FKBP5: variants seen among roughly 807,000 people sequenced by gnomAD.
FKBP5 encodes FKBP prolyl isomerase 5.
Under a neutral mutation model 50.5 loss-of-function variants are expected in FKBP5, and 23 were observed. The observed-to-expected ratio is 0.46, with a 90% CI of 0.33 to 0.65. The LOEUF (loss-of-function observed/expected upper bound fraction) is 0.65, where lower values mean the gene tolerates loss of function less well. Ranked by LOEUF, FKBP5 falls within the 30% of genes least tolerant of loss-of-function variation. The pLI, the probability that FKBP5 is intolerant of heterozygous loss-of-function variation, is 0.02. For synonymous variants in FKBP5, 176 were observed against 190.6 expected, an observed-to-expected ratio of 0.92 and a Z score of 0.63; for missense variants, 411 against 553.1, an observed-to-expected ratio of 0.74 and a Z score of 2.58.
intron 1 of FKBP5, among the ~76,000 whole-genome samples, chr6:35,672,988 G>A (rs1381504672): frequency 1.3e-5 from 2 of 151,960 alleles, no homozygotes; most frequent in Non-Finnish European, 2.9e-5. Context: ...ATGCAGAGAG[G>A]GCAAATGTAT....
chr6:35,640,031 T>C (rs1406258773), intron 2 of FKBP5, among the ~76,000 whole-genome samples: 3 of 152,258 alleles, frequency 2.0e-5, no homozygotes, highest in Admixed American at 2.0e-4. Flanking sequence ...AGAGATGCTC[T>C]GATTGTCTCA....
At chr6:35,576,842 G>T in intron 10 of FKBP5, 152 bp downstream of exon 10, 2 of 911,174 alleles carry the variant, frequency 2.2e-6, no homozygotes, top group Non-Finnish European at 1.7e-6. Flanking sequence ...TGCCCTACTC[G>T]ACCTTTGGAT....
At chr6:35,669,753 T>C (rs528547529) in intron 1 of FKBP5, among the ~76,000 whole-genome samples, 3 of 152,340 alleles carry the variant, frequency 2.0e-5, no homozygotes, top group South Asian at 2.1e-4. Context: ...TTATGTTCCA[T>C]ATGTAAGAAT....
intron 5 of FKBP5, among the ~76,000 whole-genome samples, chr6:35,615,369 G>A (rs1243331285): frequency 6.6e-6 from 1 of 152,104 alleles, no homozygotes; most frequent in Non-Finnish European, 1.5e-5. Flanking sequence ...GCTCTTTGGA[G>A]AAATGGTTGG....
At chr6:35,674,946 A>G (rs1263453871) in intron 1 of FKBP5, among the ~76,000 whole-genome samples, 1 of 152,214 alleles carries the variant, frequency 6.6e-6, no homozygotes, top group Non-Finnish European at 1.5e-5. Context: ...TGAGAGCAGG[A>G]TCATGTCCTG....
upstream of FKBP5, among the ~76,000 whole-genome samples, chr6:35,691,533 C>T (rs1245439976): frequency 2.6e-5 from 4 of 152,224 alleles, no homozygotes; most frequent in Admixed American, 2.0e-4. Flanking sequence ...TGTTGTAATA[C>T]ACCGCAGCAA....
chr6:35,635,774 G>C (rs1475230501), intron 3 of FKBP5, among the ~76,000 whole-genome samples: 1 of 152,116 alleles, frequency 6.6e-6, no homozygotes, highest in Non-Finnish European at 1.5e-5. Context: ...TGTTTGACTT[G>C]TAACACGAGA....
intron 1 of FKBP5, among the ~76,000 whole-genome samples, chr6:35,672,790 C>T (rs537777751): frequency 5.3e-5 from 8 of 151,380 alleles, no homozygotes; most frequent in Admixed American, 2.0e-4. Flanking sequence ...AATTAGCTGG[C>T]GTAGTGGCAG....
chr6:35,593,121 CCT>C (rs1294208661), intron 6 of FKBP5, among the ~76,000 whole-genome samples: 1 of 152,196 alleles, frequency 6.6e-6, no homozygotes, highest in Non-Finnish European at 1.5e-5. Flanking sequence ...CAGCACCTAC[CCT>C]GACTTCCATA....
At position 35,576,976 on chromosome 6, in the gene FKBP5, A is replaced by G; in HGVS notation, c.1266+18T>C. The G allele has an allele frequency of 6.2e-7, 1 of 1,612,626 alleles. No homozygotes were observed. The highest frequency in any genetic ancestry group is 8.5e-7 in the Non-Finnish European group (1 of 1,179,444). On this transcript the variant is annotated intron_variant, in intron 10 of 10. Transcript: ENST00000357266. ...TCAGGCTCTTGATCCACCTGCAGTC[A>G]TCAGGCTCTGCACACACCTTGGCAT...
At chr6:35,673,076 G>GA (rs1055704789) in intron 1 of FKBP5, among the ~76,000 whole-genome samples, 4 of 152,138 alleles carry the variant, frequency 2.6e-5, no homozygotes, top group African/African-American at 9.7e-5. Context: ...TTATATAAGA[G>GA]AAAAAATTAC....
At chr6:35,581,321 T>C in intron 8 of FKBP5, 1 of 411,192 alleles carries the variant, frequency 2.4e-6, no homozygotes, top group Non-Finnish European at 3.3e-6. Flanking sequence ...TGAGAAACGC[T>C]GGGGGCTGAG....
At chr6:35,692,111 T>C (rs1765999079), upstream of FKBP5, among the ~76,000 whole-genome samples, 1 of 152,226 alleles carries the variant, frequency 6.6e-6, no homozygotes, top group Admixed American at 6.5e-5. Context: ...ACTAGACTCA[T>C]TCACATGCAT....
chr6:35,705,173 T>G (rs1369256709), intron 2 of FKBP5, among the ~76,000 whole-genome samples: 1 of 144,294 alleles, frequency 6.9e-6, no homozygotes, highest in East Asian at 2.0e-4. Context: ...ACAAACAATT[T>G]GATTCTGCCA....
At chr6:35,587,207 G>C in intron 7 of FKBP5, 90 bp from the exon 8 acceptor site, 1 of 1,175,682 alleles carries the variant, frequency 8.5e-7, no homozygotes, top group African/African-American at 1.5e-5. Context: ...AATTCTAGAA[G>C]ATACTCCAAA....
At chr6:35,702,346 AC>A (rs1766203238) in intron 2 of FKBP5, among the ~76,000 whole-genome samples, 1 of 138,386 alleles carries the variant, frequency 7.2e-6, no homozygotes, top group Admixed American at 7.5e-5. Context: ...CTTCACATGT[AC>A]CCCGAACCTA....
Position 35,575,843 on chromosome 6 carries a change from G to C in FKBP5, c.1366C>G (p.His456Asp). The C allele has an allele frequency of 6.2e-7, 1 of 1,610,770 alleles. No homozygotes were observed. Among genetic ancestry groups the C allele is most frequent in the Non-Finnish European group, 8.5e-7 (1 of 1,176,940 alleles). The change falls in exon 11 of 11, where the codon CAC becomes GAC. Residue 456 changes from histidine to aspartate, a missense_variant. His to Asp is a moderately conservative substitution (Grantham distance 81, BLOSUM62 -1). Coordinates refer to ENST00000357266, the MANE Select transcript of FKBP5 (RefSeq NM_004117.4). ...QAMEEEKPEG[H>D]V ...CCCTCCTTGGCGTGGCGTCATACGT[G>C]GCCCTCAGGTTTCTCTTCTTCCATT... is the stretch of plus-strand genomic sequence containing the variant.
At chr6:35,600,812 T>C (rs1412798224) in intron 5 of FKBP5, among the ~76,000 whole-genome samples, 1 of 152,232 alleles carries the variant, frequency 6.6e-6, no homozygotes, top group Non-Finnish European at 1.5e-5. Context: ...GATTCCTGCC[T>C]GTGCGTTAGT....
chr6:35,662,820 T>C (rs1435838466), intron 1 of FKBP5, among the ~76,000 whole-genome samples: 3 of 152,158 alleles, frequency 2.0e-5, no homozygotes, highest in Non-Finnish European at 2.9e-5. Flanking sequence ...CTACACACCA[T>C]GAATACCTAC....
Sources: allele counts gnomAD v4.1 joint callset (sites outside exome capture counted in the v4.1 genomes callset), GRCh38; gene constraint gnomAD v4.1.1; transcripts MANE v1.5; gene names NCBI Gene and HGNC (gene_info 2026-07-23, HGNC 2026-07-21).